Variants in CELF2 observed in about 807,000 individuals in gnomAD.
The protein encoded by CELF2 is CUG triplet repeat RNA-binding protein 2.
A neutral mutation model predicts 62.6 loss-of-function variants in CELF2; 8 were observed. That is an observed-to-expected ratio of 0.13 (90% CI 0.07 to 0.23). The LOEUF (loss-of-function observed/expected upper bound fraction) is 0.23, where lower values mean the gene tolerates loss of function less well. Among genes scored for constraint, CELF2 ranks in the 10% least tolerant of loss-of-function variants. CELF2 has a pLI of 1.00. For synonymous variants in CELF2, 258 were observed against 250.0 expected (o/e 1.03, Z -0.30); for missense variants, 333 against 671.0 (o/e 0.50, Z 5.56).
the CELF2 span, among the ~76,000 whole-genome samples, chr10:10,699,814 G>T: frequency 6.6e-6 from 1 of 152,220 alleles, no homozygotes; most frequent in Non-Finnish European, 1.5e-5. Flanking sequence ...TTCAGTTGGA[G>T]TGAAGAGATT....
At chr10:10,507,407 C>T in the CELF2 span, among the ~76,000 whole-genome samples, 1 of 152,038 alleles carries the variant, frequency 6.6e-6, no homozygotes, top group Admixed American at 6.6e-5. Flanking sequence ...CCAAGCAGGC[C>T]TGGAGGTAAA....
chr10:10,933,357 T>G (rs1374763378), intron 2 of CELF2, among the ~76,000 whole-genome samples: 2 of 152,306 alleles, frequency 1.3e-5, no homozygotes, highest in African/African-American at 4.8e-5. Context: ...AGTATGATAT[T>G]TCTATACCTG....
chr10:10,821,390 C>T (rs1276405880), intron 1 of CELF2, among the ~76,000 whole-genome samples: 1 of 152,156 alleles, frequency 6.6e-6, no homozygotes. Context: ...CATGGAAAGG[C>T]GAGAGTACCA....
rs1276216810 is a variant in CELF2 at position 11,280,794 on chromosome 10, C to A, written c.841+5674C>A. Among the ~76,000 whole-genome samples, 3 of 152,092 alleles carry A rather than the reference C, an allele frequency of 2.0e-5. No individual in the cohort carries two copies. Among genetic ancestry groups the A allele is most frequent in the Non-Finnish European group, 2.9e-5 (2 of 68,014 alleles). ...GCCCTCACTGCCCTCCAGCCTCAGT[C>A]CTGGTTGGAGTGAGATGCCCAAGAG... is the stretch of plus-strand genomic sequence containing the variant. On this transcript the variant is annotated intron_variant, in intron 8 of 12. Coordinates refer to ENST00000633077, the MANE Select transcript of CELF2 (RefSeq NM_001326342.2). This position sits in a 1 kb window ranked among gnomAD's most constrained non-coding sequence, Gnocchi z 7.6.
intron 2 of CELF2, among the ~76,000 whole-genome samples, chr10:10,953,533 T>C (rs1372323026): frequency 1.3e-5 from 2 of 152,198 alleles, no homozygotes; most frequent in Non-Finnish European, 2.9e-5. Flanking sequence ...TGTTCTTCTC[T>C]AAGTGTAAAA....
chr10:10,604,672 G>T, the CELF2 span, among the ~76,000 whole-genome samples: 1 of 151,754 alleles, frequency 6.6e-6, no homozygotes, highest in Non-Finnish European at 1.5e-5. Context: ...TCAGTGAGCA[G>T]CCCAGAGTCT....
At chr10:10,591,358 T>C in the CELF2 span, among the ~76,000 whole-genome samples, 1 of 152,168 alleles carries the variant, frequency 6.6e-6, no homozygotes, top group Non-Finnish European at 1.5e-5. Context: ...CAAATGTAGA[T>C]AACATGGGTA....
chr10:10,983,136 TA>T lies in CELF2; in HGVS notation c.89+63138del, dbSNP rs1351175731. On this transcript the variant is annotated intron_variant, in intron 2 of 13. Transcript: ENST00000636488. This position sits in a 1 kb window ranked among gnomAD's most constrained non-coding sequence, Gnocchi z 5.2. ...AAAATAATTTAAGCTCTTTTTTCAT[TA>T]TTTTTTTTTCAATTTTTCAGAAGGC... Among the ~76,000 whole-genome samples, 2 of 152,168 alleles carry T rather than the reference TA, an allele frequency of 1.3e-5. No individual in the cohort carries two copies. Among genetic ancestry groups the T allele is most frequent in the African/African-American group, 4.8e-5 (2 of 41,436 alleles).
the CELF2 span, among the ~76,000 whole-genome samples, chr10:10,676,257 C>T: frequency 1.3e-5 from 2 of 152,128 alleles, no homozygotes; most frequent in Non-Finnish European, 2.9e-5. Flanking sequence ...TTCCTTCTCC[C>T]ACCAGAATGC....
At chr10:10,739,591 A>G in the CELF2 span, among the ~76,000 whole-genome samples, 458 of 152,312 alleles carry the variant, frequency 3.0e-3, 1 homozygote, top group African/African-American at 0.01. Context: ...TTCATAAAAT[A>G]CTATCATTCA....
chr10:10,578,744 C>A, the CELF2 span, among the ~76,000 whole-genome samples: 2 of 152,164 alleles, frequency 1.3e-5, no homozygotes, highest in Non-Finnish European at 2.9e-5. Context: ...GACTTAGTTG[C>A]TTGTGTTTTA....
intron 9 of CELF2, among the ~76,000 whole-genome samples, chr10:11,301,145 T>C (rs1457232128): frequency 2.6e-5 from 4 of 152,090 alleles, no homozygotes; most frequent in Admixed American, 1.3e-4. Flanking sequence ...GGAATTATAT[T>C]TTAAATAAAG....
the CELF2 span, among the ~76,000 whole-genome samples, chr10:10,527,885 T>A: frequency 1.3e-5 from 2 of 152,224 alleles, no homozygotes; most frequent in African/African-American, 4.8e-5. Context: ...TCAAGTAAGC[T>A]TTCATCTCAG....
chr10:10,707,736 A>G, the CELF2 span, among the ~76,000 whole-genome samples: 1 of 152,168 alleles, frequency 6.6e-6, no homozygotes. Flanking sequence ...CTCGTTTTTG[A>G]TAATTTACTT....
At chr10:10,898,973 A>G (rs2062751842) in intron 1 of CELF2, among the ~76,000 whole-genome samples, 1 of 152,258 alleles carries the variant, frequency 6.6e-6, no homozygotes. Flanking sequence ...AAGCTGAAAT[A>G]AAACATTTCT....
chr10:11,142,612 A>T (rs1431085524), intron 1 of CELF2, among the ~76,000 whole-genome samples: 1 of 140,368 alleles, frequency 7.1e-6, no homozygotes, highest in Non-Finnish European at 1.5e-5. Flanking sequence ...TGAACCCGGG[A>T]GGTAGGGCTT....
At chr10:10,720,310 C>T in the CELF2 span, among the ~76,000 whole-genome samples, 3,697 of 152,316 alleles carry the variant, frequency 0.024, 143 homozygotes, top group Admixed American at 0.088. Context: ...TCTTCAATAG[C>T]GTGTTTCCTG....
chr10:10,541,848 C>T, the CELF2 span, among the ~76,000 whole-genome samples: 1 of 152,184 alleles, frequency 6.6e-6, no homozygotes, highest in Non-Finnish European at 1.5e-5. Flanking sequence ...GAATGCCTAA[C>T]CTCCTGGGAA....
At chr10:10,741,793 A>G in the CELF2 span, among the ~76,000 whole-genome samples, 1 of 152,190 alleles carries the variant, frequency 6.6e-6, no homozygotes, top group African/African-American at 2.4e-5. Flanking sequence ...TACTTGTCAT[A>G]GGGAAGATAG....
Sources: allele counts gnomAD v4.1 joint callset (sites outside exome capture counted in the v4.1 genomes callset), GRCh38; gene constraint gnomAD v4.1.1; non-coding constraint Gnocchi (gnomAD v3.1); transcripts MANE v1.5; gene names NCBI Gene and HGNC (gene_info 2026-07-23, HGNC 2026-07-21).